The following MAP3K20 variants were observed in gnomAD, a reference collection of about 807,000 sequenced individuals.
MAP3K20 encodes the protein HCCS-4.
Under a neutral mutation model 85.7 loss-of-function variants are expected in MAP3K20, and 40 were observed. The observed-to-expected ratio is 0.47, with a 90% CI of 0.36 to 0.61. The LOEUF is 0.61. Ranked by LOEUF, MAP3K20 falls within the 20% of genes least tolerant of loss-of-function variation. The pLI, the probability that MAP3K20 is intolerant of heterozygous loss-of-function variation, is 0.00. For synonymous variants in MAP3K20, 325 were observed against 327.7 expected, an observed-to-expected ratio of 0.99 and a Z score of 0.09; for missense variants, 817 against 961.7, an observed-to-expected ratio of 0.85 and a Z score of 1.99.
chr2:173,134,428 A>ATATATATTTTTTTT (rs56330241), intron 2 of MAP3K20, among the ~76,000 whole-genome samples: 2 of 3,156 alleles, frequency 6.3e-4, no homozygotes, highest in African/African-American at 1.0e-3. Flanking sequence ...ATATATATAT[A>ATATATATTTTTTTT]TTTTTTTTTT....
chr2:173,108,647 A>G (rs375577747), intron 2 of MAP3K20, among the ~76,000 whole-genome samples: 1 of 152,234 alleles, frequency 6.6e-6, no homozygotes, highest in South Asian at 2.1e-4. Flanking sequence ...AATGATGGGC[A>G]TAACACTTTC....
intron 2 of MAP3K20, among the ~76,000 whole-genome samples, chr2:173,101,063 A>G (rs924103082): frequency 6.6e-6 from 1 of 152,206 alleles, no homozygotes; most frequent in Non-Finnish European, 1.5e-5. Flanking sequence ...ATATGTCTGA[A>G]GATAACTCAA....
At chr2:173,148,534 G>A (rs975662602) in intron 2 of MAP3K20, among the ~76,000 whole-genome samples, 2 of 152,150 alleles carry the variant, frequency 1.3e-5, no homozygotes, top group African/African-American at 4.8e-5. Context: ...TGGCCCTTGA[G>A]CAGACCTTCA....
intron 2 of MAP3K20, among the ~76,000 whole-genome samples, chr2:173,141,406 A>T (rs1434152318): frequency 6.6e-6 from 1 of 152,160 alleles, no homozygotes; most frequent in Non-Finnish European, 1.5e-5. Flanking sequence ...AAATTCTAGA[A>T]CTGTAAAACT....
intron 1 of MAP3K20, among the ~76,000 whole-genome samples, chr2:173,088,642 C>T (rs1195549639): frequency 2.0e-5 from 3 of 152,196 alleles, no homozygotes; most frequent in Non-Finnish European, 4.4e-5. Context: ...CATTTTAATG[C>T]TTTTATAAAA....
At chr2:173,244,763 T>C (rs1015356976) in intron 16 of MAP3K20, among the ~76,000 whole-genome samples, 1 of 152,188 alleles carries the variant, frequency 6.6e-6, no homozygotes, top group Non-Finnish European at 1.5e-5. Context: ...GAATTGAAAT[T>C]TCAGTTCCCC....
intron 2 of MAP3K20, among the ~76,000 whole-genome samples, chr2:173,134,408 A>AT (rs1688723433): frequency 1.7e-4 from 1 of 6,048 alleles, no homozygotes; most frequent in Admixed American, 1.5e-3. Context: ...ATATATATAT[A>AT]TATATATATA....
intron 2 of MAP3K20, among the ~76,000 whole-genome samples, chr2:173,138,108 C>T (rs187137996): frequency 1.3e-5 from 2 of 152,090 alleles, no homozygotes; most frequent in South Asian, 4.1e-4. Context: ...GCTGGGACTA[C>T]AGGCGCCCGC....
At chr2:173,147,688 G>A (rs536832171) in intron 2 of MAP3K20, among the ~76,000 whole-genome samples, 32 of 152,244 alleles carry the variant, frequency 2.1e-4, no homozygotes, top group African/African-American at 7.5e-4. Context: ...CCGGGTTCAA[G>A]TGATTCTCCT....
At chr2:173,084,804 C>T (rs1428194100) in intron 1 of MAP3K20, among the ~76,000 whole-genome samples, 2 of 152,070 alleles carry the variant, frequency 1.3e-5, no homozygotes, top group Admixed American at 6.5e-5. Context: ...GCATGTATAC[C>T]ATATACTAGG....
chr2:173,150,650 C>G (rs1440096452), intron 2 of MAP3K20, among the ~76,000 whole-genome samples: 3 of 152,204 alleles, frequency 2.0e-5, no homozygotes, highest in Non-Finnish European at 2.9e-5. Context: ...ACTGCAACCT[C>G]TGCCTCCCGG....
intron 1 of MAP3K20, among the ~76,000 whole-genome samples, chr2:173,084,803 C>G (rs1418503620): frequency 6.6e-6 from 1 of 152,086 alleles, no homozygotes; most frequent in African/African-American, 2.4e-5. Flanking sequence ...TGCATGTATA[C>G]CATATACTAG....
chr2:173,217,474 C>A (rs1305966204), intron 11 of MAP3K20, among the ~76,000 whole-genome samples: 2 of 152,200 alleles, frequency 1.3e-5, no homozygotes, highest in Non-Finnish European at 2.9e-5. Flanking sequence ...CTATTTCTGG[C>A]TCCTTCCTTA....
At position 173,266,694 on chromosome 2, in the gene MAP3K20, G is replaced by C; in HGVS notation, c.2347G>C (p.Ala783Pro). ...YRKKPHRPSP[A>P]KTNKERARGD... The stretch of plus-strand genomic sequence containing the variant: ...GAAAAAGCCCCACAGGCCATCTCCC[G>C]CCAAAACCAATAAAGAGAGAGCCAG... The change falls in exon 20 of 20, where the codon GCC becomes CCC. Residue 783 changes from alanine to proline, a missense_variant. Transcript: ENST00000375213. 1 of 1,591,972 alleles carries C rather than the reference G, an allele frequency of 6.3e-7. No individual in the cohort carries two copies. Among genetic ancestry groups the C allele is most frequent in the African/African-American group, 1.4e-5 (1 of 73,654 alleles).
intron 10 of MAP3K20, among the ~76,000 whole-genome samples, chr2:173,213,208 A>G (rs1334144311): frequency 2.0e-5 from 3 of 152,312 alleles, no homozygotes; most frequent in Non-Finnish European, 4.4e-5. Context: ...GATAAATTCA[A>G]TTTTTAAAAT....
At chr2:173,204,317 AT>A in intron 9 of MAP3K20, among the ~76,000 whole-genome samples, 1 of 152,354 alleles carries the variant, frequency 6.6e-6, no homozygotes, top group Admixed American at 6.5e-5. Flanking sequence ...CAGAGGTTAC[AT>A]CATGAGCTCA....
chr2:173,121,337 C>A (rs78635901), intron 2 of MAP3K20, among the ~76,000 whole-genome samples: 4,388 of 152,288 alleles, frequency 0.029, 82 homozygotes, highest in Non-Finnish European at 0.044. Flanking sequence ...ATAAGGCATT[C>A]CGTGAGGCAA....
At chr2:173,212,439 A>G (rs1320303694) in intron 10 of MAP3K20, 2 of 152,126 alleles carry the variant, frequency 1.3e-5, no homozygotes, top group Non-Finnish European at 2.9e-5. Flanking sequence ...TTTGGAGAAA[A>G]TGCTATTTGA....
chr2:173,078,023 G>A (rs1686913024), intron 1 of MAP3K20, among the ~76,000 whole-genome samples: 1 of 152,194 alleles, frequency 6.6e-6, no homozygotes, highest in Admixed American at 6.5e-5. Context: ...AGGTTTGTGG[G>A]GGCGTGGAGT....
Sources: allele counts gnomAD v4.1 joint callset (sites outside exome capture counted in the v4.1 genomes callset), GRCh38; gene constraint gnomAD v4.1.1; transcripts MANE v1.5; gene names NCBI Gene and HGNC (gene_info 2026-07-23, HGNC 2026-07-21).